PPIL6: variants seen among roughly 807,000 people sequenced by gnomAD.
PPIL6 encodes the protein peptidylprolyl isomerase like 6.
In PPIL6, 39 loss-of-function variants were observed where a neutral mutation model predicts 36.8. That is an observed-to-expected ratio of 1.06 (90% CI 0.82 to 1.38). The LOEUF (loss-of-function observed/expected upper bound fraction) is 1.38. Among genes scored for constraint, PPIL6 ranks in the 40% most tolerant of loss-of-function variants. The pLI is 0.00. For missense variants in PPIL6, 368 were observed against 379.1 expected, an observed-to-expected ratio of 0.97 and a Z score of 0.24; for synonymous variants, 123 against 134.1, an observed-to-expected ratio of 0.92 and a Z score of 0.57.
intron 6 of PPIL6, chr6:109,404,842 A>G (rs1772725755): frequency 6.1e-6 from 1 of 163,978 alleles, no homozygotes; most frequent in African/African-American, 2.4e-5. Context: ...TCACGGGGTC[A>G]GGAGTTTGAG....
chr6:109,427,797 T>G (rs1336647123), intron 3 of PPIL6, among the ~76,000 whole-genome samples: 1 of 152,038 alleles, frequency 6.6e-6, no homozygotes, highest in African/African-American at 2.4e-5. Flanking sequence ...CACAACTAGG[T>G]GTGGAAATAG....
At chr6:109,400,870 T>G (rs1324478448) in intron 6 of PPIL6, among the ~76,000 whole-genome samples, 1 of 152,048 alleles carries the variant, frequency 6.6e-6, no homozygotes, top group Non-Finnish European at 1.5e-5. Flanking sequence ...ATTTTTTTTT[T>G]GTTTTTTGAG....
At chr6:109,417,127 G>C (rs189190995) in intron 6 of PPIL6, among the ~76,000 whole-genome samples, 2 of 149,644 alleles carry the variant, frequency 1.3e-5, no homozygotes, top group Non-Finnish European at 1.5e-5. Flanking sequence ...CTATGATCAC[G>C]CCATTGCACT....
rs1772093055 is a variant in PPIL6 at position 109,391,311 on chromosome 6, AAAAAAG to A, written c.*1509_*1514del. 1 of 147,682 alleles carries A rather than the reference AAAAAAG, an allele frequency of 6.8e-6. No individual in the cohort carries two copies. Among genetic ancestry groups the A allele is most frequent in the South Asian group, 2.1e-4 (1 of 4,786 alleles). The allele number at this position is 147,682 out of a possible 1,614,324, so 9.1% of individuals were successfully genotyped here. A position where few individuals can be genotyped will look rare whatever the true frequency, so the allele number is the denominator to read the frequency against. On this transcript the variant is annotated 3_prime_UTR_variant, in exon 8 of 8. Coordinates refer to ENST00000521072, the MANE Select transcript of PPIL6 (RefSeq NM_173672.5). ...TCAAAAAAAAAAAAAAAAAAAAAAAAAAAAAGAAAAGCACTCTTAGTCTGGGCAGAG... is the reference window on the plus strand; with the variant it reads ...TCAAAAAAAAAAAAAAAAAAAAAAAAAAAAGCACTCTTAGTCTGGGCAGAG...
rs1772074214 is a variant in PPIL6 at position 109,390,973 on chromosome 6, C to G, written c.*1853G>C. The G allele has an allele frequency of 6.6e-6, 1 of 152,026 alleles. No homozygotes were observed. Among genetic ancestry groups the G allele is most frequent in the South Asian group, 2.1e-4 (1 of 4,822 alleles). The allele number at this position is 152,026 out of a possible 1,614,324, so 9.4% of individuals were successfully genotyped here. A position where few individuals can be genotyped will look rare whatever the true frequency, so the allele number is the denominator to read the frequency against. ...TAGAGATTGTTCTTGGAAGACAAAC[C>G]TCATTCTGCTTAGGGTAAGAAAAGC... On this transcript the variant is annotated 3_prime_UTR_variant, in exon 8 of 8. Transcript: ENST00000521072.
At chr6:109,415,811 G>A (rs1189513932) in intron 6 of PPIL6, among the ~76,000 whole-genome samples, 2 of 152,156 alleles carry the variant, frequency 1.3e-5, no homozygotes, top group African/African-American at 4.8e-5. Flanking sequence ...ATGACCCCCT[G>A]ACTAGAGGCT....
chr6:109,412,319 C>A (rs547919638), intron 6 of PPIL6, among the ~76,000 whole-genome samples: 10 of 152,160 alleles, frequency 6.6e-5, no homozygotes, highest in Non-Finnish European at 1.5e-4. Flanking sequence ...TGTAACACTG[C>A]CTGTTCAATA....
chr6:109,412,450 A>G (rs934299573), intron 6 of PPIL6, among the ~76,000 whole-genome samples: 1 of 152,248 alleles, frequency 6.6e-6, no homozygotes, highest in African/African-American at 2.4e-5. Context: ...CTTAAGCAAA[A>G]AGAACAAAAC....
At chr6:109,417,889 C>T (rs758072789) in intron 6 of PPIL6, among the ~76,000 whole-genome samples, 1 of 152,114 alleles carries the variant, frequency 6.6e-6, no homozygotes, top group Non-Finnish European at 1.5e-5. Context: ...CCTTTAAAAC[C>T]CTTTGTCTGC....
intron 5 of PPIL6, among the ~76,000 whole-genome samples, chr6:109,419,795 A>C (rs1773448671): frequency 6.6e-6 from 1 of 152,192 alleles, no homozygotes; most frequent in Non-Finnish European, 1.5e-5. Context: ...CTAATTATTC[A>C]ATATCCACAC....
chr6:109,440,696 G>T (rs1251154103), upstream of PPIL6: 20 of 896,668 alleles, frequency 2.2e-5, no homozygotes, highest in Non-Finnish European at 2.5e-5. Flanking sequence ...GGGGCGGGTC[G>T]AGGGCGGCCC....
chr6:109,418,896 C>T (rs1554220351), intron 6 of PPIL6, among the ~76,000 whole-genome samples: 1 of 152,124 alleles, frequency 6.6e-6, no homozygotes, highest in Non-Finnish European at 1.5e-5. Flanking sequence ...TAAGTATCAG[C>T]ACGGGAAATT....
chr6:109,427,279 G>A, intron 3 of PPIL6, 123 bp from the exon 4 acceptor site: 3 of 591,838 alleles, frequency 5.1e-6, no homozygotes, highest in South Asian at 5.0e-5. Flanking sequence ...CATTACCAAT[G>A]GATAATATTA....
intron 6 of PPIL6, among the ~76,000 whole-genome samples, chr6:109,404,591 T>G (rs1350710833): frequency 1.3e-5 from 2 of 152,202 alleles, no homozygotes; most frequent in Non-Finnish European, 2.9e-5. Context: ...GGTTATACCA[T>G]CTTTGTTGCC....
intron 5 of PPIL6, among the ~76,000 whole-genome samples, chr6:109,426,009 A>T (rs1773798841): frequency 1.3e-5 from 2 of 152,236 alleles, no homozygotes; most frequent in Non-Finnish European, 2.9e-5. Flanking sequence ...GACACCACAT[A>T]TTCAGTGGAA....
At position 109,427,126 on chromosome 6, in the gene PPIL6, C is replaced by A; in HGVS notation, c.451G>T (p.Asp151Tyr). 1 of 1,611,768 alleles carries A rather than the reference C, an allele frequency of 6.2e-7. No homozygotes were observed. The highest frequency in any genetic ancestry group is 1.1e-5 in the South Asian group (1 of 90,854). ...ATCAATCTTCCAATTGGAGAAGAAT[C>A]AATACAAATGTCCAAAAACACGAAA... ...HDFVFLDICI[D>Y]SSPIGRLIFE... Residue 151 changes from aspartate (D) to tyrosine (Y), a missense_variant, in exon 4 of 8, where the codon GAT (aspartate) becomes TAT (tyrosine). Asp to Tyr is a radical substitution (Grantham distance 160). Coordinates refer to ENST00000521072, the MANE Select transcript of PPIL6 (RefSeq NM_173672.5).
At chr6:109,429,842 T>C (rs1774033235) in intron 3 of PPIL6, among the ~76,000 whole-genome samples, 1 of 152,202 alleles carries the variant, frequency 6.6e-6, no homozygotes, top group Non-Finnish European at 1.5e-5. Context: ...AACAGCATCC[T>C]TTCAATACAC....
At chr6:109,405,345 C>T (rs1208349067) in intron 6 of PPIL6, among the ~76,000 whole-genome samples, 1 of 152,050 alleles carries the variant, frequency 6.6e-6, no homozygotes, top group Non-Finnish European at 1.5e-5. Flanking sequence ...TTAGTCTTTC[C>T]CATTTAAAAA....
In PPIL6 at chr6:109,422,386, G is replaced by A. The variant is rs116445852; in HGVS notation, c.632-3143C>T. On this transcript the variant is annotated intron_variant, in intron 5 of 7. Transcript: ENST00000521072. The stretch of plus-strand genomic sequence containing the variant: ...GAGGATTCATTGTTTGAGTCCAGGA[G>A]TTCAGGACCAGCCTGGGCAACATAC... 3.3e-3 allele frequency among the ~76,000 whole-genome samples: 510 copies of A among 152,258 alleles called. 5 individuals are homozygous for A. Among genetic ancestry groups the A allele is most frequent in the African/African-American group, 0.011 (476 of 41,532 alleles).
Sources: allele counts gnomAD v4.1 joint callset (sites outside exome capture counted in the v4.1 genomes callset), GRCh38; gene constraint gnomAD v4.1.1; transcripts MANE v1.5; gene names NCBI Gene and HGNC (gene_info 2026-07-23, HGNC 2026-07-21).